The following FUT9 variants were observed in gnomAD, a reference collection of about 807,000 sequenced individuals.
FUT9 encodes fucosyltransferase 9.
Under a neutral mutation model 29.7 loss-of-function variants are expected in FUT9, and 15 were observed. That is an observed-to-expected ratio of 0.51 (90% confidence interval 0.34 to 0.78). The LOEUF is 0.78. FUT9 is among the 30% of genes least tolerant of loss of function. The probability of loss-of-function intolerance (pLI) is 0.01; values close to 1 mark genes in which losing one functional copy is unlikely to be tolerated. For synonymous variants in FUT9, 169 were observed against 153.7 expected (o/e 1.10, Z -0.74); for missense variants, 319 against 425.4 (o/e 0.75, Z 2.20).
chr6:96,069,302 C>T (rs1335153504), intron 1 of FUT9, among the ~76,000 whole-genome samples: 1 of 141,592 alleles, frequency 7.1e-6, no homozygotes, highest in Non-Finnish European at 1.5e-5. Flanking sequence ...GCCTGGGCTA[C>T]AGAGCATGAC....
intron 1 of FUT9, among the ~76,000 whole-genome samples, chr6:96,057,857 A>C (rs7761465): frequency 0.033 from 5,025 of 152,294 alleles, 298 homozygotes; most frequent in African/African-American, 0.11. Context: ...AAAACTATTT[A>C]TATATACTAG....
intron 1 of FUT9, among the ~76,000 whole-genome samples, chr6:96,021,166 G>A (rs1770061468): frequency 6.6e-6 from 1 of 151,980 alleles, no homozygotes; most frequent in Admixed American, 6.6e-5. Context: ...CATGGATCTA[G>A]GCATGCTGTG....
At chr6:96,040,055 ACT>A (rs1770432463) in intron 1 of FUT9, among the ~76,000 whole-genome samples, 1 of 152,124 alleles carries the variant, frequency 6.6e-6, no homozygotes. Context: ...AGTAGCGATA[ACT>A]AATTTATCAT....
At position 96,203,064 on chromosome 6, in the gene FUT9, G is replaced by T. The variant is rs191459211; in HGVS notation, c.-8-84G>T. 1.5e-5 allele frequency: 15 copies of T among 1,008,102 alleles called. No homozygotes were observed. In the African/African-American group the frequency reaches 1.9e-4, roughly 13 times the overall value. 62.4% of individuals were successfully genotyped at this position (1,008,102 alleles called of 1,614,324 possible). A position where few individuals can be genotyped will look rare whatever the true frequency, so the allele number is the denominator to read the frequency against. ...TACTACTTGTTTATCTCATATTTAT[G>T]ATTTTAAATATATCTCCAATATATT... On this transcript the variant is annotated intron_variant, in intron 2 of 2. Coordinates refer to ENST00000302103, the MANE Select transcript of FUT9 (RefSeq NM_006581.4).
chr6:96,063,920 T>A (rs1770918368), intron 1 of FUT9, among the ~76,000 whole-genome samples: 1 of 152,156 alleles, frequency 6.6e-6, no homozygotes, highest in Non-Finnish European at 1.5e-5. Context: ...TAAGTAATTG[T>A]TTCTGTTATT....
At chr6:96,044,898 A>C (rs1582190602) in intron 1 of FUT9, among the ~76,000 whole-genome samples, 1 of 152,286 alleles carries the variant, frequency 6.6e-6, no homozygotes, top group East Asian at 1.9e-4. Context: ...TTTAACATTA[A>C]TTACTGCTGA....
intron 2 of FUT9, among the ~76,000 whole-genome samples, chr6:96,184,701 A>T (rs1773373274): frequency 6.6e-6 from 1 of 151,926 alleles, no homozygotes; most frequent in Non-Finnish European, 1.5e-5. Flanking sequence ...TCTTGATTTC[A>T]TTGTTGACCT....
At chr6:96,102,947 G>T (rs911347116) in intron 1 of FUT9, among the ~76,000 whole-genome samples, 1 of 152,206 alleles carries the variant, frequency 6.6e-6, no homozygotes, top group Non-Finnish European at 1.5e-5. Context: ...GAACTTTGAA[G>T]AGCTGACAGA....
At chr6:96,111,964 A>G (rs1361226187) in intron 1 of FUT9, among the ~76,000 whole-genome samples, 2 of 152,178 alleles carry the variant, frequency 1.3e-5, no homozygotes, top group Non-Finnish European at 2.9e-5. Context: ...TCATTTAACA[A>G]TCCTAAGACA....
intron 1 of FUT9, among the ~76,000 whole-genome samples, chr6:96,075,547 T>C (rs985850037): frequency 6.6e-6 from 1 of 152,212 alleles, no homozygotes; most frequent in South Asian, 2.1e-4. Context: ...GTTACTTATG[T>C]ATAACTTTTT....
At chr6:96,162,743 C>T (rs1422247275) in intron 2 of FUT9, among the ~76,000 whole-genome samples, 1 of 152,174 alleles carries the variant, frequency 6.6e-6, no homozygotes, top group African/African-American at 2.4e-5. Flanking sequence ...TTTTGTGCTT[C>T]CTTAACAATT....
intron 1 of FUT9, among the ~76,000 whole-genome samples, chr6:96,091,608 G>C (rs576877975): frequency 7.2e-5 from 11 of 152,084 alleles, no homozygotes; most frequent in Admixed American, 2.6e-4. Context: ...GAAATATATA[G>C]CTGAGAAATG....
chr6:96,052,277 G>A (rs1770684708), intron 1 of FUT9, among the ~76,000 whole-genome samples: 1 of 152,152 alleles, frequency 6.6e-6, no homozygotes, highest in Non-Finnish European at 1.5e-5. Flanking sequence ...AACAGGTAGG[G>A]ATTATGGAAA....
intron 1 of FUT9, among the ~76,000 whole-genome samples, chr6:96,051,420 G>A (rs1337060037): frequency 6.6e-6 from 1 of 152,060 alleles, no homozygotes; most frequent in Non-Finnish European, 1.5e-5. Context: ...AGAGGCTGAG[G>A]TGAGAGGATT....
intron 1 of FUT9, among the ~76,000 whole-genome samples, chr6:96,052,318 C>T (rs1223999873): frequency 6.6e-6 from 1 of 151,988 alleles, no homozygotes; most frequent in Non-Finnish European, 1.5e-5. Flanking sequence ...TGAGTGGTGA[C>T]ACAGTCAAAC....
chr6:96,065,206 A>C (rs6936694), intron 1 of FUT9, among the ~76,000 whole-genome samples: 9,998 of 152,174 alleles, frequency 0.066, 888 homozygotes, highest in African/African-American at 0.2. Context: ...TAGTTTCCTT[A>C]TTGTAAGATA....
rs1198587252 is a variant in FUT9 at position 96,206,662 on chromosome 6, G to C, written c.*2427G>C. On this transcript the variant is annotated 3_prime_UTR_variant, in exon 3 of 3. Coordinates refer to ENST00000302103, the MANE Select transcript of FUT9 (RefSeq NM_006581.4). Reference sequence around the variant, plus strand: ...ATTTTTAGTAGAGATGGGTTTCACTGTGTTGGCCAGGCTGGTCTTGAACTC... The same window carrying C: ...ATTTTTAGTAGAGATGGGTTTCACTCTGTTGGCCAGGCTGGTCTTGAACTC... 1.2e-5 allele frequency: 2 copies of C among 160,896 alleles called. No homozygotes were observed. The highest frequency in any genetic ancestry group is 2.9e-5 in the Non-Finnish European group (2 of 68,122). The allele number at this position is 160,896 out of a possible 1,614,324, so 10.0% of individuals were successfully genotyped here.
At chr6:96,073,593 G>C (rs950391120) in intron 1 of FUT9, among the ~76,000 whole-genome samples, 5 of 152,226 alleles carry the variant, frequency 3.3e-5, no homozygotes, top group African/African-American at 1.2e-4. Flanking sequence ...AGTGAGGTCA[G>C]GTTGAGAAAT....
Position 96,204,051 on chromosome 6 carries a change from C to A in FUT9, c.896C>A (p.Ala299Glu). 6.3e-7 allele frequency: 1 copy of A among 1,576,906 alleles called. No homozygotes were observed. The highest frequency in any genetic ancestry group is 1.2e-5 in the South Asian group (1 of 86,216). Residue 299 changes from alanine (A) to glutamate (E), a missense_variant, in exon 3 of 3, where the codon GCA becomes GAA. Transcript: ENST00000302103. ...GATTATAACTCTCCCAGTGAGCTAGCAAAGTATCTGAAGGAAGTCGACAAA... is the reference window on the plus strand; with the variant it reads ...GATTATAACTCTCCCAGTGAGCTAGAAAAGTATCTGAAGGAAGTCGACAAA... ...VEDYNSPSEL[A>E]KYLKEVDKNN...
Sources: gnomAD v4.1 joint callset for allele counts (sites outside exome capture counted in the v4.1 genomes callset) on GRCh38, gnomAD v4.1.1 for gene constraint, MANE v1.5 for transcripts, NCBI Gene and HGNC (gene_info 2026-07-23, HGNC 2026-07-21) for gene names.